ATP13A4: variants seen among roughly 807,000 people sequenced by gnomAD.
The protein encoded by ATP13A4 is ATPase 13A4.
Under a neutral mutation model 142.5 loss-of-function variants are expected in ATP13A4, and 114 were observed. The observed-to-expected ratio is 0.80, with a 90% CI of 0.69 to 0.93. ATP13A4 has a LOEUF of 0.93. ATP13A4 is among the 40% of genes least tolerant of loss of function. ATP13A4 has a pLI of 0.00. For missense variants in ATP13A4, 1,392 were observed against 1,454.0 expected (o/e 0.96, Z 0.69); for synonymous variants, 488 against 514.8 (o/e 0.95, Z 0.70).
intron 7 of ATP13A4, among the ~76,000 whole-genome samples, chr3:193,484,367 G>A (rs1719486192): frequency 6.7e-6 from 1 of 149,670 alleles, no homozygotes; most frequent in African/African-American, 2.5e-5. Flanking sequence ...GGAGTATGGT[G>A]GTTCCTGCTA....
At chr3:193,447,156 A>G (rs1339594850) in intron 18 of ATP13A4, among the ~76,000 whole-genome samples, 1 of 152,204 alleles carries the variant, frequency 6.6e-6, no homozygotes, top group South Asian at 2.1e-4. Flanking sequence ...CATAAATCTA[A>G]GTTAAGGATA....
chr3:193,455,105 G>A (rs1177274935), intron 16 of ATP13A4, among the ~76,000 whole-genome samples: 1 of 152,080 alleles, frequency 6.6e-6, no homozygotes, highest in African/African-American at 2.4e-5. Context: ...TTGGGAGGCC[G>A]AGGTGGGCGG....
At chr3:193,540,527 C>CAAAAA (rs11360543) in intron 1 of ATP13A4, among the ~76,000 whole-genome samples, 4 of 44,782 alleles carry the variant, frequency 8.9e-5, no homozygotes, top group Non-Finnish European at 1.5e-4. Flanking sequence ...GGCTCTCTGC[C>CAAAAA]AAAAAAAAAA....
At chr3:193,457,647 G>A (rs1717711142) in intron 14 of ATP13A4, among the ~76,000 whole-genome samples, 182 bp from the exon 15 acceptor site, 1 of 152,208 alleles carries the variant, frequency 6.6e-6, no homozygotes, top group Admixed American at 6.5e-5. Flanking sequence ...TGAAAATGCT[G>A]CACAACTTGA....
intron 20 of ATP13A4, among the ~76,000 whole-genome samples, chr3:193,441,001 A>G (rs62285718): frequency 6.7e-6 from 1 of 149,752 alleles, no homozygotes; most frequent in East Asian, 2.0e-4. Flanking sequence ...CTATCGATCT[A>G]TCTCTCTCTC....
intron 1 of ATP13A4, among the ~76,000 whole-genome samples, chr3:193,536,683 C>T (rs1722606992): frequency 6.6e-6 from 1 of 151,980 alleles, no homozygotes; most frequent in African/African-American, 2.4e-5. Flanking sequence ...ATAAAACTTA[C>T]TCTGTTTACA....
intron 2 of ATP13A4, chr3:193,579,094 C>G (rs1419064565): frequency 5.8e-6 from 1 of 171,036 alleles, no homozygotes; most frequent in Non-Finnish European, 1.3e-5. Flanking sequence ...CACAGCCCAC[C>G]TGATATGTCC....
In ATP13A4 at chr3:193,469,837, G is replaced by A. The variant is rs541935683; in HGVS notation, c.943+1022C>T. On this transcript the variant is annotated intron_variant, in intron 9 of 29. Coordinates refer to ENST00000342695, the MANE Select transcript of ATP13A4 (RefSeq NM_032279.4). ...TCTGCAGAGTGGTCAATAGAAAGTC[G>A]GAGTTGCATTACAGTATATTAAGGC... is the stretch of plus-strand genomic sequence containing the variant. 2.0e-5 allele frequency among the ~76,000 whole-genome samples: 3 copies of A among 152,226 alleles called. No homozygotes were observed. In the South Asian group the frequency reaches 6.2e-4, roughly 32 times the overall value.
chr3:193,581,384 G>C (rs1450149441), intron 2 of ATP13A4, among the ~76,000 whole-genome samples: 1 of 152,102 alleles, frequency 6.6e-6, no homozygotes, highest in African/African-American at 2.4e-5. Flanking sequence ...TTCTATGGTG[G>C]AAATACTGCC....
intron 2 of ATP13A4, among the ~76,000 whole-genome samples, chr3:193,573,276 C>CGTATATATATATATTCTT (rs745558107): frequency 5.1e-5 from 4 of 77,844 alleles, no homozygotes; most frequent in Non-Finnish European, 9.9e-5. Flanking sequence ...TATATATATA[C>CGTATATATATATATTCTT]ATATATATAT....
intron 8 of ATP13A4, among the ~76,000 whole-genome samples, chr3:193,474,861 A>G (rs1476997612): frequency 6.6e-6 from 1 of 151,992 alleles, no homozygotes; most frequent in African/African-American, 2.4e-5. Context: ...AAGAAGTTCT[A>G]GAAAAAAAGT....
At chr3:193,557,356 G>A (rs144358825), upstream of ATP13A4, among the ~76,000 whole-genome samples, 266 of 152,300 alleles carry the variant, frequency 1.7e-3, 2 homozygotes, top group South Asian at 6.8e-3. Flanking sequence ...TGGCAACACT[G>A]CTTATGGACA....
At chr3:193,530,797 A>G (rs1403811502) in intron 1 of ATP13A4, among the ~76,000 whole-genome samples, 4 of 152,162 alleles carry the variant, frequency 2.6e-5, no homozygotes, top group African/African-American at 9.7e-5. Flanking sequence ...GCAAACCAGA[A>G]TGGTTAGGCA....
At chr3:193,414,316 C>T (rs1714936845) in intron 26 of ATP13A4, among the ~76,000 whole-genome samples, 2 of 152,038 alleles carry the variant, frequency 1.3e-5, no homozygotes, top group South Asian at 4.2e-4. Flanking sequence ...AATTATAATC[C>T]ATGGTCACCC....
At chr3:193,585,355 G>C (rs1194249039) in intron 1 of ATP13A4, among the ~76,000 whole-genome samples, 1 of 152,146 alleles carries the variant, frequency 6.6e-6, no homozygotes, top group South Asian at 2.1e-4. Context: ...AGGGGGCAGA[G>C]GCTGCAGTGA....
rs548516518 is a variant in ATP13A4 at position 193,453,279 on chromosome 3, CAAA to C, written c.2027+819_2027+821del. 2.4e-3 allele frequency among the ~76,000 whole-genome samples: 359 copies of C among 152,022 alleles called. 2 individuals carry two copies. Among genetic ancestry groups the C allele is most frequent in the South Asian group, 2.1e-3 (10 of 4,814 alleles). The stretch of plus-strand genomic sequence containing the variant: ...GAATTTTATTTTAGAATATTGAGTT[CAAA>C]AATATAGTTACAAGAGAGTGTTGAC... On this transcript the variant is annotated intron_variant, in intron 17 of 29. Transcript: ENST00000342695.
chr3:193,449,848 G>A (rs1717169249), intron 17 of ATP13A4, among the ~76,000 whole-genome samples: 1 of 152,082 alleles, frequency 6.6e-6, no homozygotes, highest in Non-Finnish European at 1.5e-5. Flanking sequence ...AGACAGACGT[G>A]GTGGCTCATG....
At chr3:193,576,437 A>C (rs1380674355) in intron 2 of ATP13A4, among the ~76,000 whole-genome samples, 1 of 145,102 alleles carries the variant, frequency 6.9e-6, no homozygotes, top group East Asian at 2.0e-4. Flanking sequence ...GCGCCCGGCT[A>C]ATTTTTTGTA....
rs772278131 is a variant in ATP13A4, at chr3:193,457,032, T to C, written c.1883A>G (p.Glu628Gly). 5.6e-6 allele frequency: 9 copies of C among 1,614,140 alleles called. No individual in the cohort carries two copies. The Admixed American group carries it at 1.5e-4, about 27-fold the overall frequency. ...DRLAFMKGAP[E>G]RVASFCQPET... ...AGGTTGGCAAAAGCTGGCCACCCTC[T>C]CTGGTGCACCTTTCATGAATGCCAG... is the stretch of plus-strand genomic sequence containing the variant. Residue 628 changes from glutamate to glycine, a missense_variant, in exon 16 of 30, where the codon GAG becomes GGG. By Grantham distance (98) the Glu-to-Gly change is moderately conservative (BLOSUM62 -2). Transcript: ENST00000342695.
Sources: allele counts gnomAD v4.1 joint callset (sites outside exome capture counted in the v4.1 genomes callset), GRCh38; gene constraint gnomAD v4.1.1; transcripts MANE v1.5; gene names NCBI Gene and HGNC (gene_info 2026-07-23, HGNC 2026-07-21).